Variants in CCDC18 observed in about 807,000 individuals in gnomAD.
The protein encoded by CCDC18 is coiled-coil domain containing 18.
In CCDC18, 157 loss-of-function variants were observed where a neutral mutation model predicts 196.0. The observed-to-expected ratio is 0.80, with a 90% CI of 0.70 to 0.91. CCDC18 has a LOEUF of 0.91. CCDC18 is among the 40% of genes least tolerant of loss of function. The probability of loss-of-function intolerance (pLI) is 0.00; values close to 1 mark genes in which losing one functional copy is unlikely to be tolerated. For missense variants in CCDC18, 1,465 were observed against 1,611.6 expected, an observed-to-expected ratio of 0.91 and a Z score of 1.56; for synonymous variants, 482 against 529.2, an observed-to-expected ratio of 0.91 and a Z score of 1.22.
chr1:93,254,500 T>C lies in CCDC18; in HGVS notation c.3228T>C (p.Asn1076=). 6.3e-7 allele frequency: 1 copy of C among 1,593,414 alleles called. No individual in the cohort carries two copies. ...QIESLNDKLQ[N]AKEQLREKEF... ...AAAGTCTGAATGACAAATTACAAAA[T>C]GCTAAAGAACAGCTTCGAGAAAAAG... Residue 1076 remains asparagine (N), a synonymous_variant, in exon 24 of 29, where the codon AAT becomes AAC. Coordinates refer to ENST00000690025, the MANE Select transcript of CCDC18 (RefSeq NM_001378204.1).
chr1:93,188,511 T>C (rs571070902), intron 4 of CCDC18, among the ~76,000 whole-genome samples: 3 of 152,374 alleles, frequency 2.0e-5, no homozygotes, highest in South Asian at 2.1e-4. Flanking sequence ...TCTTCTTCAC[T>C]CGTGATTAAA....
chr1:93,247,095 GTC>G, intron 23 of CCDC18, 141 bp downstream of exon 23: 2 of 494,626 alleles, frequency 4.0e-6, no homozygotes, highest in Non-Finnish European at 7.3e-6. Flanking sequence ...GTCGTTCTCT[GTC>G]ACCCAGGCTG....
intron 9 of CCDC18, 135 bp from the exon 10 acceptor site, chr1:93,210,667 T>C (rs1471337639): frequency 3.4e-6 from 2 of 592,760 alleles, no homozygotes; most frequent in Non-Finnish European, 5.9e-6. Flanking sequence ...TTAATGTATT[T>C]ATATATTCTC....
At chr1:93,232,403 A>G (rs1659370490) in intron 17 of CCDC18, 23 bp from the exon 18 acceptor site, 1 of 1,393,736 alleles carries the variant, frequency 7.2e-7, no homozygotes, top group Non-Finnish European at 1.0e-6. Flanking sequence ...TTGTATTGAG[A>G]GATATATATA....
intron 28 of CCDC18, chr1:93,273,664 T>A (rs528796029): frequency 6.6e-6 from 1 of 152,194 alleles, no homozygotes; most frequent in Non-Finnish European, 1.5e-5. Context: ...CCATCACAAA[T>A]TTCTAGAATG....
At chr1:93,243,394 C>T (rs1661080090) in intron 21 of CCDC18, among the ~76,000 whole-genome samples, 1 of 152,186 alleles carries the variant, frequency 6.6e-6, no homozygotes, top group Non-Finnish European at 1.5e-5. Context: ...CACCAAGTCC[C>T]TAGGCTGCAC....
chr1:93,219,323 A>G (rs952375222), intron 14 of CCDC18, among the ~76,000 whole-genome samples: 1 of 151,992 alleles, frequency 6.6e-6, no homozygotes, highest in African/African-American at 2.4e-5. Flanking sequence ...CTCAGCATGC[A>G]GTTTTTTTTC....
chr1:93,196,574 A>C (rs921898265), intron 6 of CCDC18, among the ~76,000 whole-genome samples: 1 of 152,212 alleles, frequency 6.6e-6, no homozygotes, highest in Non-Finnish European at 1.5e-5. Context: ...AAATAACACA[A>C]TTTCAAGGAG....
chr1:93,246,587 G>A lies in CCDC18; in HGVS notation c.3082-251G>A, dbSNP rs188925592. 7.2e-5 allele frequency among the ~76,000 whole-genome samples: 11 copies of A among 152,182 alleles called. No homozygotes were observed. In the East Asian group the frequency reaches 2.1e-3, roughly 29 times the overall value. The stretch of plus-strand genomic sequence containing the variant: ...TTTATTGTTTCTATAATGTATATGG[G>A]ATTGAATGTCACTATGTATTGTTAA... On this transcript the variant is annotated intron_variant, in intron 22 of 28. Coordinates refer to ENST00000690025, the MANE Select transcript of CCDC18 (RefSeq NM_001378204.1).
At chr1:93,228,464 TCCAG>T (rs1658738013) in intron 17 of CCDC18, among the ~76,000 whole-genome samples, 3 of 150,528 alleles carry the variant, frequency 2.0e-5, no homozygotes, top group Non-Finnish European at 4.4e-5. Context: ...TGACCAGCAC[TCCAG>T]ACTTAGGTGC....
At chr1:93,275,500 T>C (rs1187774443) in intron 28 of CCDC18, among the ~76,000 whole-genome samples, 2 of 152,182 alleles carry the variant, frequency 1.3e-5, no homozygotes, top group African/African-American at 4.8e-5. Context: ...AAGTATGACA[T>C]TGCATTGGTC....
rs397980840 is a variant in CCDC18 at position 93,216,935 on chromosome 1, C to CTTT, written c.1830+204_1830+206dup. Among the ~76,000 whole-genome samples, 22 of 132,750 alleles carry CTTT rather than the reference C, an allele frequency of 1.7e-4. 1 individual carries two copies. The highest frequency in any genetic ancestry group is 3.9e-3 in the Middle Eastern group (1 of 258). 87.1% of individuals were successfully genotyped at this position (132,750 alleles called of 152,430 possible). On this transcript the variant is annotated intron_variant, in intron 13 of 28. Coordinates refer to ENST00000690025, the MANE Select transcript of CCDC18 (RefSeq NM_001378204.1). ...ATATGGCAAGTTATCCAAGTTTTCT[C>CTTT]TTTTTTTTTTTTTTTTTGAGACAGA...
rs140685903 is a variant in CCDC18, at chr1:93,191,652, T to A, written c.463-348T>A. Among the ~76,000 whole-genome samples, 8 of 152,342 alleles carry A rather than the reference T, an allele frequency of 5.3e-5. No homozygotes were observed. In the East Asian group the frequency reaches 1.3e-3, roughly 26 times the overall value. On this transcript the variant is annotated intron_variant, in intron 4 of 28. Transcript: ENST00000690025. ...AGGTTTTTAAATCATAAAAATTCAA[T>A]AAATATTTTCTTTTATAATTGTTTA... is the stretch of plus-strand genomic sequence containing the variant.
chr1:93,207,606 A>G (rs1473440528), intron 9 of CCDC18, among the ~76,000 whole-genome samples: 1 of 152,156 alleles, frequency 6.6e-6, no homozygotes, highest in East Asian at 1.9e-4. Context: ...CATATATAAG[A>G]ATGGCACAGA....
At chr1:93,197,815 G>A (rs1287695395) in intron 6 of CCDC18, among the ~76,000 whole-genome samples, 13 of 134,006 alleles carry the variant, frequency 9.7e-5, no homozygotes, top group African/African-American at 1.7e-4. Context: ...GCAGTGGCGC[G>A]ATCTCGGCTC....
At chr1:93,185,943 G>A (rs2484486) in intron 3 of CCDC18, among the ~76,000 whole-genome samples, 14,810 of 151,888 alleles carry the variant, frequency 0.098, 975 homozygotes, top group East Asian at 0.28. Flanking sequence ...TATCCATTTT[G>A]TTGGTGGTGG....
chr1:93,220,935 C>T (rs777921663), intron 14 of CCDC18, among the ~76,000 whole-genome samples: 2 of 152,172 alleles, frequency 1.3e-5, no homozygotes, highest in African/African-American at 2.4e-5. Context: ...CCAACTCCAT[C>T]CGTGTCCCTG....
chr1:93,189,915 C>T (rs955747362), intron 4 of CCDC18, among the ~76,000 whole-genome samples: 2 of 152,172 alleles, frequency 1.3e-5, no homozygotes, highest in African/African-American at 2.4e-5. Flanking sequence ...GATCCACCCA[C>T]CTCCCAAAGT....
intron 21 of CCDC18, among the ~76,000 whole-genome samples, chr1:93,245,043 T>C (rs1335276032): frequency 1.3e-5 from 2 of 152,222 alleles, no homozygotes; most frequent in African/African-American, 4.8e-5. Context: ...TACTTAGGTG[T>C]CTGTCTTTTC....
Sources: allele counts gnomAD v4.1 joint callset (sites outside exome capture counted in the v4.1 genomes callset), GRCh38; gene constraint gnomAD v4.1.1; transcripts MANE v1.5; gene names NCBI Gene and HGNC (gene_info 2026-07-23, HGNC 2026-07-21).